The following DOCK6 variants were observed in gnomAD, a reference collection of about 807,000 sequenced individuals.
DOCK6 encodes dedicator of cytokinesis 6.
In DOCK6, 167 loss-of-function variants were observed where a neutral mutation model predicts 230.3. The observed-to-expected ratio is 0.73, with a 90% CI of 0.64 to 0.82. The LOEUF is 0.82. Among genes scored for constraint, DOCK6 ranks in the 40% least tolerant of loss-of-function variants. The probability of loss-of-function intolerance (pLI) is 0.00; values close to 1 mark genes in which losing one functional copy is unlikely to be tolerated. For synonymous variants in DOCK6, 1,148 were observed against 1,185.0 expected (o/e 0.97, Z 0.64); for missense variants, 2,598 against 2,825.8 (o/e 0.92, Z 1.83).
rs1465316273 is a variant in DOCK6, at chr19:11,201,660, C to T, written c.5688+229G>A. ...CTTTCTGGGTCTGGAATCCCTGGGC[C>T]ACCCTGGGTCTGGGGTCCCTGCATC... is the stretch of plus-strand genomic sequence containing the variant. On this transcript the variant is annotated intron_variant, in intron 44 of 47. Transcript: ENST00000294618. The surrounding 1 kb of genome is among the most constrained non-coding windows in gnomAD (Gnocchi z 4.3). Among the ~76,000 whole-genome samples, 1 of 151,922 alleles carries T rather than the reference C, an allele frequency of 6.6e-6. No individual in the cohort carries two copies. The highest frequency in any genetic ancestry group is 1.9e-4 in the East Asian group (1 of 5,170).
rs116451204 is a variant in DOCK6, at chr19:11,244,005, G to C, written c.1024-123C>G. 3.3e-4 allele frequency: 338 copies of C among 1,030,014 alleles called. No individual in the cohort carries two copies. The African/African-American group carries it at 4.9e-3, about 15-fold the overall frequency. The allele number at this position is 1,030,014 out of a possible 1,614,324, so 63.8% of individuals were successfully genotyped here. On this transcript the variant is annotated intron_variant, in intron 9 of 47. Transcript: ENST00000294618. ...ACACTCCTAACATATGAAGGCCTTT[G>C]CTCCAACACCTCCCATGGCTCCCGC...
At chr19:11,225,063 C>CA (rs770664295) in intron 24 of DOCK6, among the ~76,000 whole-genome samples, 294 of 131,972 alleles carry the variant, frequency 2.2e-3, no homozygotes, top group South Asian at 5.0e-3. Flanking sequence ...GACTCCGTCT[C>CA]AAAAAAAAAA....
chr19:11,224,058 T>TGG (rs1173648709), intron 24 of DOCK6, among the ~76,000 whole-genome samples: 4 of 152,090 alleles, frequency 2.6e-5, no homozygotes, highest in African/African-American at 7.2e-5. Context: ...TGTGTGTGTG[T>TGG]GGGGCGGGGG....
chr19:11,256,412 C>T (rs569838633), intron 1 of DOCK6, among the ~76,000 whole-genome samples: 2 of 152,214 alleles, frequency 1.3e-5, no homozygotes, highest in Non-Finnish European at 2.9e-5. Context: ...AGTGGGAAAA[C>T]GCCGGGTCTG....
chr19:11,261,104 C>T (rs1054076286), intron 1 of DOCK6, among the ~76,000 whole-genome samples: 6 of 151,924 alleles, frequency 3.9e-5, no homozygotes, highest in African/African-American at 1.5e-4. Context: ...TGGCTCCCAC[C>T]TCACCTGGGG....
chr19:11,242,194 G>C lies in DOCK6; in HGVS notation c.1494C>G (p.Ile498Met). The C allele has an allele frequency of 6.8e-7, 1 of 1,464,168 alleles. No homozygotes were observed. Among genetic ancestry groups the C allele is most frequent in the South Asian group, 1.6e-5 (1 of 61,744 alleles). The allele number at this position is 1,464,168 out of a possible 1,614,324, so 90.7% of individuals were successfully genotyped here. ...GATTTTCAGGAGCCGGAGAAATGTC[G>C]ATCTTGAGCTGGGCTGGGAAGGGAA... ...RLRPVTAQLK[I>M]DISPAPENPH... The change falls in exon 14 of 48, where the codon ATC (isoleucine) becomes ATG (methionine). Residue 498 changes from isoleucine to methionine, a missense_variant. Coordinates refer to ENST00000294618, the MANE Select transcript of DOCK6 (RefSeq NM_020812.4).
chr19:11,223,925 G>C (rs1368725900), intron 24 of DOCK6, among the ~76,000 whole-genome samples: 1 of 152,052 alleles, frequency 6.6e-6, no homozygotes, highest in Non-Finnish European at 1.5e-5. Context: ...GGGATTACAG[G>C]CGTGAGATAC....
rs1018595729 is a variant in DOCK6, at chr19:11,251,006, G to A, written c.588C>T (p.Asn196=). 6.2e-7 allele frequency: 1 copy of A among 1,613,716 alleles called. No individual in the cohort carries two copies. The highest frequency in any genetic ancestry group is 1.3e-5 in the African/African-American group (1 of 74,912). The change falls in exon 6 of 48, where the codon AAC becomes AAT. Residue 196 remains asparagine (N), a synonymous_variant. Coordinates refer to ENST00000294618, the MANE Select transcript of DOCK6 (RefSeq NM_020812.4). ...AGGGCAGCAATGAGTCAGCTGCCAG[G>A]TTCCTCAGGTCGAAGATGCTAGAGG... is the stretch of plus-strand genomic sequence containing the variant. ...SGASSIFDLR[N]LAADSLLPSL...
chr19:11,202,741 G>A lies in DOCK6; in HGVS notation c.5236-32C>T. The A allele has an allele frequency of 6.2e-7, 1 of 1,611,252 alleles. No individual in the cohort carries two copies. Among genetic ancestry groups the A allele is most frequent in the South Asian group, 1.1e-5 (1 of 90,980 alleles). ...CTGTGAGAAAGGGTGTGGTTGTCCG[G>A]GAGGCCCCTGCTGGAGGTCTCCCTG... On this transcript the variant is annotated intron_variant, in intron 41 of 47. Transcript: ENST00000294618. This position sits in a 1 kb window ranked among gnomAD's most constrained non-coding sequence, Gnocchi z 5.3.
At position 11,242,030 on chromosome 19, in the gene DOCK6, C is replaced by T; in HGVS notation, c.1643+15G>A. 2.6e-6 allele frequency: 4 copies of T among 1,563,124 alleles called. No homozygotes were observed. Among genetic ancestry groups the T allele is most frequent in the Non-Finnish European group, 2.6e-6 (3 of 1,163,644 alleles). On this transcript the variant is annotated intron_variant, in intron 14 of 47. Coordinates refer to ENST00000294618, the MANE Select transcript of DOCK6 (RefSeq NM_020812.4). ...CCTCCCATTCAAGTGCCCAGCTGGG[C>T]CCCAGAGGCCGTACCTGTAGCTGGT...
Position 11,221,946 on chromosome 19 carries a change from T to C in DOCK6, c.3455A>G (p.Tyr1152Cys), listed in dbSNP as rs765117837. 1 of 1,613,768 alleles carries C rather than the reference T, an allele frequency of 6.2e-7. No homozygotes were observed. Among genetic ancestry groups the C allele is most frequent in the South Asian group, 1.1e-5 (1 of 91,078 alleles). Residue 1152 changes from tyrosine to cysteine, a missense_variant, in exon 28 of 48, where the codon TAC becomes TGC. Coordinates refer to ENST00000294618, the MANE Select transcript of DOCK6 (RefSeq NM_020812.4). ...LLCGHDTDPR[Y>C]AEATVKARVA... is the part of the protein sequence containing the mutation. ...ACGAGCCTTCACAGTGGCCTCGGCGTAGCGGGGGTCAGTGTCATGGCCACA... is the reference window on the plus strand; with the variant it reads ...ACGAGCCTTCACAGTGGCCTCGGCGCAGCGGGGGTCAGTGTCATGGCCACA...
Position 11,215,879 on chromosome 19 carries a change from G to C in DOCK6, c.3943C>G (p.Leu1315Val), listed in dbSNP as rs2079477787. The change falls in exon 31 of 48, where the codon CTG becomes GTG. Residue 1315 changes from leucine (L) to valine (V), a missense_variant. Leu to Val is a conservative substitution (Grantham distance 32, BLOSUM62 1). Transcript: ENST00000294618. Reference protein sequence around the residue: ...RINSLTFKKSLDMKARLEEAI... With the variant: ...RINSLTFKKSVDMKARLEEAI... ...TCCTCTAGCCGCGCCTTCATATCCA[G>C]AGATTTTTTGAATGTGAGGCTGTTG... is the stretch of plus-strand genomic sequence containing the variant. 6.2e-7 allele frequency: 1 copy of C among 1,613,750 alleles called. No homozygotes were observed. The highest frequency in any genetic ancestry group is 1.3e-5 in the African/African-American group (1 of 74,884).
chr19:11,221,929 TCA>T lies in DOCK6; in HGVS notation c.3470_3471del (p.Val1157GlufsTer24), dbSNP rs749299462. ...AGGTACAGCTCGGCCACACGAGCCT[TCA>T]CAGTGGCCTCGGCGTAGCGGGGGTC... is the stretch of plus-strand genomic sequence containing the variant. ...DTDPRYAEAT[V>X]KARVAELYLP... On this transcript the variant is annotated frameshift_variant, in exon 28 of 48. Transcript: ENST00000294618. LOFTEE classifies it high-confidence loss of function. 6 of 1,613,556 alleles carry T rather than the reference TCA, an allele frequency of 3.7e-6. No homozygotes were observed. The highest frequency in any genetic ancestry group is 5.1e-6 in the Non-Finnish European group (6 of 1,179,862).
rs2079177942 is a variant in DOCK6 at position 11,202,045 on chromosome 19, G to A, written c.5532C>T (p.Asn1844=). 3.1e-6 allele frequency: 5 copies of A among 1,614,066 alleles called. No individual in the cohort carries two copies. In the South Asian group the frequency reaches 4.4e-5, roughly 14 times the overall value. ...LKDRVTYFDR[N]YGLRTFLFCT... ...AGAACAGGAATGTGCGAAGCCCATA[G>A]TTGCGGTCAAAGTAGGTCACCCGGT... is the stretch of plus-strand genomic sequence containing the variant. Residue 1844 remains asparagine, a synonymous_variant, in exon 44 of 48, where the codon AAC becomes AAT. Transcript: ENST00000294618. This position sits in a 1 kb window ranked among gnomAD's most constrained non-coding sequence, Gnocchi z 5.3.
chr19:11,227,331 T>A lies in DOCK6; in HGVS notation c.2955+6A>T. The A allele has an allele frequency of 6.2e-7, 1 of 1,613,500 alleles. No individual in the cohort carries two copies. The highest frequency in any genetic ancestry group is 8.5e-7 in the Non-Finnish European group (1 of 1,179,612). On this transcript the variant is annotated splice_donor_region_variant and intron_variant, in intron 24 of 47. Transcript: ENST00000294618. ...TCTTCCCACATTGAGACCCTGCATC[T>A]CTCACCTTGTGGACACGGGTGATGA...
intron 28 of DOCK6, among the ~76,000 whole-genome samples, 155 bp from the exon 29 acceptor site, chr19:11,217,546 C>G (rs550607855): frequency 6.6e-6 from 1 of 152,098 alleles, no homozygotes; most frequent in African/African-American, 2.4e-5. Flanking sequence ...CACCTGAGGT[C>G]AGGAGTTCGA....
At chr19:11,199,674 G>A in intron 47 of DOCK6, 135 bp from the exon 48 acceptor site, 2 of 953,632 alleles carry the variant, frequency 2.1e-6, no homozygotes, top group Non-Finnish European at 3.3e-6. Context: ...TCCCTGATCT[G>A]GCTGTGGGAT....
chr19:11,250,728 T>C, intron 6 of DOCK6, 146 bp downstream of exon 6: 1 of 768,638 alleles, frequency 1.3e-6, no homozygotes, highest in Non-Finnish European at 2.0e-6. Flanking sequence ...ACATAGGATA[T>C]ACAGTAGGTG....
chr19:11,234,953 T>G (rs1266417197), intron 21 of DOCK6, among the ~76,000 whole-genome samples: 1 of 152,074 alleles, frequency 6.6e-6, no homozygotes, highest in African/African-American at 2.4e-5. Flanking sequence ...TCTTATTTTT[T>G]TTTTTTTGAA....
Sources: allele counts gnomAD v4.1 joint callset (sites outside exome capture counted in the v4.1 genomes callset), GRCh38; gene constraint gnomAD v4.1.1; non-coding constraint Gnocchi (gnomAD v3.1); transcripts MANE v1.5; gene names NCBI Gene and HGNC (gene_info 2026-07-23, HGNC 2026-07-21).